Variants in STARD9 observed in about 807,000 individuals in gnomAD.
The protein encoded by STARD9 is StAR related lipid transfer domain containing 9, also known as stAR-related lipid transfer protein 9.
In STARD9, 346 loss-of-function variants were observed where a neutral mutation model predicts 399.8. The ratio of observed to expected loss-of-function variants is 0.87; its 90% CI spans 0.79 to 0.95. The LOEUF (loss-of-function observed/expected upper bound fraction) is 0.95, where lower values mean the gene tolerates loss of function less well. Among genes scored for constraint, STARD9 ranks in the 40% least tolerant of loss-of-function variants. The pLI is 0.00. For missense variants in STARD9, 5,832 were observed against 5,667.5 expected, an observed-to-expected ratio of 1.03 and a Z score of -0.93; for synonymous variants, 2,203 against 2,143.5, an observed-to-expected ratio of 1.03 and a Z score of -0.77.
At chr15:42,588,471 T>G (rs2058324826) in intron 3 of STARD9, among the ~76,000 whole-genome samples, 1 of 152,130 alleles carries the variant, frequency 6.6e-6, no homozygotes, top group East Asian at 1.9e-4. Flanking sequence ...TTCTTCTGGC[T>G]TGTTTATTAA....
rs571449066 is a variant in STARD9, at chr15:42,696,411, A to G, written c.13284+531A>G. Among the ~76,000 whole-genome samples the G allele has an allele frequency of 3.2e-4, 48 of 152,338 alleles. No individual in the cohort carries two copies. In the South Asian group the frequency reaches 4.1e-3, roughly 13 times the overall value. ...GAGGAAGAAGAGTTTGAGGAACTCA[A>G]TGAAGGTTAGTGTGGTTGGAATGTA... is the stretch of plus-strand genomic sequence containing the variant. On this transcript the variant is annotated intron_variant, in intron 26 of 32. Coordinates refer to ENST00000290607, the MANE Select transcript of STARD9 (RefSeq NM_020759.3).
At chr15:42,620,120 C>T (rs772203390) in intron 3 of STARD9, among the ~76,000 whole-genome samples, 1 of 152,120 alleles carries the variant, frequency 6.6e-6, no homozygotes, top group African/African-American at 2.4e-5. Context: ...TTCTAGGTTA[C>T]TGGACTACTC....
chr15:42,588,790 T>TTTTTTTC (rs2058334450), intron 3 of STARD9, among the ~76,000 whole-genome samples: 1 of 21,798 alleles, frequency 4.6e-5, no homozygotes, highest in Non-Finnish European at 1.7e-4. Context: ...TTTTTTTTTT[T>TTTTTTTC]TTTTTTTTTT....
intron 3 of STARD9, among the ~76,000 whole-genome samples, chr15:42,604,937 C>T (rs964395309): frequency 1.3e-5 from 2 of 152,168 alleles, no homozygotes; most frequent in African/African-American, 4.8e-5. Context: ...GCCATCGCGC[C>T]TGACCTGGAT....
chr15:42,616,663 G>A (rs1186612246), intron 3 of STARD9, among the ~76,000 whole-genome samples: 1 of 152,002 alleles, frequency 6.6e-6, no homozygotes, highest in Admixed American at 6.6e-5. Context: ...GGGCTGAGGT[G>A]GGCGGATCAC....
intron 3 of STARD9, among the ~76,000 whole-genome samples, chr15:42,586,411 G>C (rs1053114119): frequency 2.0e-5 from 3 of 152,286 alleles, no homozygotes; most frequent in East Asian, 1.9e-4. Context: ...CTTAGCTCTC[G>C]GTCAAGTTTC....
chr15:42,613,158 G>A (rs2058888752), intron 3 of STARD9, among the ~76,000 whole-genome samples: 1 of 152,058 alleles, frequency 6.6e-6, no homozygotes, highest in South Asian at 2.1e-4. Context: ...TGTATAATGA[G>A]TGTATGTATC....
At chr15:42,585,488 A>G in intron 2 of STARD9, 33 bp from the exon 3 acceptor site, 3 of 1,444,276 alleles carry the variant, frequency 2.1e-6, no homozygotes, top group South Asian at 1.2e-5. Context: ...ATATTATGAT[A>G]GAAAAGACAC....
intron 15 of STARD9, among the ~76,000 whole-genome samples, chr15:42,666,797 C>T (rs2060110626): frequency 6.6e-6 from 1 of 151,942 alleles, no homozygotes; most frequent in Non-Finnish European, 1.5e-5. Context: ...ATGGTGATTC[C>T]CAGAGACATT....
At chr15:42,639,714 A>G (rs534316415) in intron 7 of STARD9, among the ~76,000 whole-genome samples, 8 of 152,126 alleles carry the variant, frequency 5.3e-5, no homozygotes, top group African/African-American at 1.9e-4. Flanking sequence ...AATACAAAAG[A>G]TTAGCTGGGT....
rs2058807140 is a variant in STARD9 at position 42,609,575 on chromosome 15, G to T, written c.234+23938G>T. 3.9e-5 allele frequency among the ~76,000 whole-genome samples: 6 copies of T among 152,048 alleles called. 1 individual carries two copies. In the South Asian group the frequency reaches 1.2e-3, roughly 32 times the overall value. ...CTGCTGCAGCCTCCTGAGTAGCTGG[G>T]ACTACAGGCACGCGCCACCACGCCC... On this transcript the variant is annotated intron_variant, in intron 3 of 32. Coordinates refer to ENST00000290607, the MANE Select transcript of STARD9 (RefSeq NM_020759.3).
intron 17 of STARD9, 80 bp downstream of exon 17, chr15:42,674,571 G>A: frequency 7.4e-7 from 1 of 1,346,872 alleles, no homozygotes; most frequent in Middle Eastern, 1.8e-4. Flanking sequence ...CTTTGATGAT[G>A]CTCTGAGAAG....
rs1414457490 is a variant in STARD9 at position 42,717,733 on chromosome 15, A to C, written c.13497A>C (p.Val4499=). The C allele has an allele frequency of 9.1e-6, 14 of 1,537,046 alleles. No individual in the cohort carries two copies. The Admixed American group carries it at 1.2e-4, about 13-fold the overall frequency. Residue 4499 remains valine (V), a splice_region_variant and synonymous_variant, in exon 29 of 33, where the codon GTA becomes GTC. Coordinates refer to ENST00000290607, the MANE Select transcript of STARD9 (RefSeq NM_020759.3). ...GGGTGTGGCCATTGTGTCCCCAGGTAATGGCTGCTTGTTCGGATAATTTGC... is the reference window on the plus strand; with the variant it reads ...GGGTGTGGCCATTGTGTCCCCAGGTCATGGCTGCTTGTTCGGATAATTTGC... ...KHVVDTSMAD[V]MAACSDNLHN... is the part of the protein sequence containing the mutation.
rs1403519440 is a variant in STARD9, at chr15:42,689,787, T to C, written c.8209T>C (p.Ser2737Pro). 6.5e-7 allele frequency: 1 copy of C among 1,537,426 alleles called. No individual in the cohort carries two copies. Residue 2737 changes from serine to proline, a missense_variant, in exon 23 of 33, where the codon TCA becomes CCA. Ser to Pro is a moderately conservative substitution (Grantham distance 74). Transcript: ENST00000290607. ...TGTGGAGGAGGTCAGGAGGGTAGTA[T>C]CAAAGAAGGTAGTGGCTGCCTTACC... ...APVEEVRRVV[S>P]KKVVAALPSQ...
intron 3 of STARD9, among the ~76,000 whole-genome samples, chr15:42,610,557 T>A (rs2058827460): frequency 6.6e-6 from 1 of 152,194 alleles, no homozygotes; most frequent in African/African-American, 2.4e-5. Context: ...CTTCTTCTTT[T>A]CTTTTTTTAA....
Position 42,685,945 on chromosome 15 carries a change from C to T in STARD9, c.4367C>T (p.Ala1456Val). 2 of 1,537,188 alleles carry T rather than the reference C, an allele frequency of 1.3e-6. No homozygotes were observed. The highest frequency in any genetic ancestry group is 1.2e-5 in the South Asian group (1 of 84,066). Residue 1456 changes from alanine (A) to valine (V), a missense_variant, in exon 23 of 33, where the codon GCA becomes GTA. By Grantham distance (64) the Ala-to-Val change is moderately conservative. Around this residue, in one of 2 missense-constraint regions of STARD9, gnomAD observed 5,828 missense variants for 5,651.1 expected, o/e 1.03. Transcript: ENST00000290607. ...PDMTQQGSSEASHNSSVSNVL... is the reference protein window; with the variant it reads ...PDMTQQGSSEVSHNSSVSNVL... ...ATGACCCAGCAGGGCAGCTCTGAAG[C>T]ATCCCACAATTCTAGCGTATCAAAC... is the stretch of plus-strand genomic sequence containing the variant.
chr15:42,712,152 T>G (rs1453822441), intron 26 of STARD9, among the ~76,000 whole-genome samples: 3 of 86,794 alleles, frequency 3.5e-5, no homozygotes, highest in African/African-American at 1.3e-4. Context: ...CCCATTTATA[T>G]GTCTTCTTTG....
intron 20 of STARD9, 34 bp downstream of exon 20, chr15:42,676,009 T>C: frequency 2.0e-6 from 3 of 1,473,254 alleles, no homozygotes; most frequent in Non-Finnish European, 2.7e-6. Flanking sequence ...ATGTGGAACC[T>C]ACTGGGTTCG....
intron 26 of STARD9, among the ~76,000 whole-genome samples, chr15:42,698,229 T>C (rs921305556): frequency 1.3e-5 from 2 of 152,200 alleles, no homozygotes; most frequent in African/African-American, 4.8e-5. Flanking sequence ...ATTTTGTACA[T>C]AGGCAAATAT....
Sources: allele counts gnomAD v4.1 joint callset (sites outside exome capture counted in the v4.1 genomes callset), GRCh38; gene constraint gnomAD v4.1.1; regional missense constraint gnomAD v4.1.1; transcripts MANE v1.5; gene names NCBI Gene and HGNC (gene_info 2026-07-23, HGNC 2026-07-21).